The following IDE variants were observed in gnomAD, a reference collection of about 807,000 sequenced individuals.
The protein encoded by IDE is insulin degrading enzyme.
IDE carries 58 observed loss-of-function variants against 133.2 expected under a neutral mutation model. That is an observed-to-expected ratio of 0.44 (90% CI 0.35 to 0.54). IDE has a LOEUF of 0.54. Ranked by LOEUF, IDE falls within the 20% of genes least tolerant of loss-of-function variation. The pLI is 0.00. For missense variants in IDE, 981 were observed against 1,234.0 expected (o/e 0.79, Z 3.07); for synonymous variants, 396 against 421.3 (o/e 0.94, Z 0.73).
chr10:92,475,455 C>T (rs1293495942), intron 16 of IDE, among the ~76,000 whole-genome samples: 1 of 152,202 alleles, frequency 6.6e-6, no homozygotes, highest in Non-Finnish European at 1.5e-5. Flanking sequence ...CTGGGCCAAA[C>T]ATGAATTGAA....
At chr10:92,549,048 A>C (rs1342672083) in intron 1 of IDE, among the ~76,000 whole-genome samples, 1 of 152,120 alleles carries the variant, frequency 6.6e-6, no homozygotes, top group East Asian at 1.9e-4. Context: ...ACATGAGGTC[A>C]GGAGTTAGAA....
intron 1 of IDE, among the ~76,000 whole-genome samples, chr10:92,543,776 A>T (rs1276313968): frequency 2.0e-5 from 3 of 152,238 alleles, no homozygotes; most frequent in Non-Finnish European, 4.4e-5. Context: ...AGCTTAACAC[A>T]GAACACTTTA....
rs141651502 is a variant in IDE, at chr10:92,511,251, G to A, written c.785-1089C>T. 7.7e-3 allele frequency among the ~76,000 whole-genome samples: 1,165 copies of A among 151,928 alleles called. 21 individuals are homozygous for A. The highest frequency in any genetic ancestry group is 7.4e-3 in the Non-Finnish European group (504 of 67,956). The stretch of plus-strand genomic sequence containing the variant: ...CCAGTAGCTGGGATTACAGGCGTGT[G>A]CCACCACACCCTGTTAGTTTTTTGT... On this transcript the variant is annotated intron_variant, in intron 5 of 24. Coordinates refer to ENST00000265986, the MANE Select transcript of IDE (RefSeq NM_004969.4).
intron 12 of IDE, 39 bp downstream of exon 12, chr10:92,490,454 C>T: frequency 7.9e-7 from 1 of 1,259,936 alleles, no homozygotes; most frequent in Non-Finnish European, 1.2e-6. Flanking sequence ...CTTGTGATTC[C>T]TCACATGTCA....
At chr10:92,566,755 G>C (rs923271603) in intron 1 of IDE, among the ~76,000 whole-genome samples, 3 of 151,976 alleles carry the variant, frequency 2.0e-5, no homozygotes, top group Non-Finnish European at 2.9e-5. Context: ...GAGTTTAATT[G>C]GATTGTTTGT....
Position 92,483,279 on chromosome 10 carries a change from G to T in IDE, c.1715C>A (p.Ala572Asp). ...KQDDKFFLPK[A>D]CLNFEFFSPF... ...CCTGAAAAATTCAAAGTTGAGACAA[G>T]CCTTCGGCAAAAAAAACTTATCATC... The change falls in exon 14 of 25, where the codon GCT becomes GAT. Residue 572 changes from alanine to aspartate, a missense_variant. This residue lies in a region of IDE where 660 missense variants were observed against 894.7 expected (regional missense o/e 0.74). Coordinates refer to ENST00000265986, the MANE Select transcript of IDE (RefSeq NM_004969.4). 6.2e-7 allele frequency: 1 copy of T among 1,603,192 alleles called. No individual in the cohort carries two copies. Among genetic ancestry groups the T allele is most frequent in the Non-Finnish European group, 8.5e-7 (1 of 1,170,244 alleles).
intron 4 of IDE, among the ~76,000 whole-genome samples, chr10:92,518,834 CAT>C (rs978959650): frequency 6.6e-5 from 10 of 152,032 alleles, no homozygotes; most frequent in African/African-American, 2.4e-4. Context: ...AACCTAAAAA[CAT>C]ATAAAACTAT....
chr10:92,464,978 G>A (rs942183726), intron 20 of IDE, among the ~76,000 whole-genome samples: 13 of 152,152 alleles, frequency 8.5e-5, no homozygotes, highest in South Asian at 8.3e-4. Flanking sequence ...CCAATAGTTT[G>A]AGCTCTTATA....
rs1379766087 is a variant in IDE, at chr10:92,534,860, C to A, written c.284-75G>T. ...TAGTAAGTACAGGTGATTTGTAGTTCTTGTTAGCATGACAACTCCAACTAT... is the reference window on the plus strand; with the variant it reads ...TAGTAAGTACAGGTGATTTGTAGTTATTGTTAGCATGACAACTCCAACTAT... On this transcript the variant is annotated intron_variant, in intron 2 of 24. Transcript: ENST00000265986. 4 of 1,055,048 alleles carry A rather than the reference C, an allele frequency of 3.8e-6. No individual in the cohort carries two copies. In the Admixed American group the frequency reaches 7.9e-5, roughly 21 times the overall value. 65.4% of individuals were successfully genotyped at this position (1,055,048 alleles called of 1,614,324 possible). A position where few individuals can be genotyped will look rare whatever the true frequency, so the allele number is the denominator to read the frequency against.
chr10:92,512,570 A>C (rs539745255), intron 5 of IDE, among the ~76,000 whole-genome samples: 14 of 151,810 alleles, frequency 9.2e-5, no homozygotes, highest in African/African-American at 2.9e-4. Flanking sequence ...AAAAAAAAAA[A>C]AAAACACCCA....
intron 3 of IDE, among the ~76,000 whole-genome samples, chr10:92,534,039 T>C (rs1214174332): frequency 2.0e-5 from 3 of 148,006 alleles, no homozygotes; most frequent in Non-Finnish European, 3.0e-5. Context: ...AAAAAAAAAA[T>C]TGACCAAGAA....
chr10:92,468,853 C>G (rs1254517533), intron 19 of IDE, 26 bp downstream of exon 19: 1 of 1,242,794 alleles, frequency 8.0e-7, no homozygotes, highest in East Asian at 2.3e-5. Context: ...ATAGTCCATT[C>G]CCAAAGTTAC....
At chr10:92,571,107 G>C (rs1342119438) in intron 1 of IDE, among the ~76,000 whole-genome samples, 1 of 151,684 alleles carries the variant, frequency 6.6e-6, no homozygotes, top group East Asian at 2.0e-4. Flanking sequence ...AGCCTCCCGG[G>C]TTCAAGCGAT....
In IDE at chr10:92,537,521, T is replaced by C. The variant is rs140287132; in HGVS notation, c.128A>G (p.Asn43Ser). ...GFQKKTYSKM[N>S]NPAIKRIGNH... is the part of the protein sequence containing the mutation. Reference sequence around the variant, plus strand: ...TCCTATTCTCTTGATGGCTGGATTATTCATTTTGCTGTAAGTCTTTTTTTG... The same window carrying C: ...TCCTATTCTCTTGATGGCTGGATTACTCATTTTGCTGTAAGTCTTTTTTTG... Residue 43 changes from asparagine to serine, a missense_variant, in exon 2 of 25, where the codon AAT (asparagine) becomes AGT (serine). By Grantham distance (46) the Asn-to-Ser change is conservative (BLOSUM62 1). This residue lies in a region of IDE where 321 missense variants were observed against 339.3 expected (regional missense o/e 0.95). Transcript: ENST00000265986. The C allele has an allele frequency of 6.2e-7, 1 of 1,600,012 alleles. No individual in the cohort carries two copies. Among genetic ancestry groups the C allele is most frequent in the East Asian group, 2.2e-5 (1 of 44,836 alleles).
chr10:92,473,538 C>T (rs12262931), intron 17 of IDE, among the ~76,000 whole-genome samples: 1 of 151,006 alleles, frequency 6.6e-6, no homozygotes, highest in South Asian at 2.1e-4. Context: ...ACTTAAGATT[C>T]TAGGGAAAAA....
intron 1 of IDE, among the ~76,000 whole-genome samples, chr10:92,556,709 G>C (rs563419300): frequency 3.3e-5 from 5 of 152,206 alleles, no homozygotes; most frequent in African/African-American, 1.2e-4. Context: ...AGTGAGCTGA[G>C]ATCGCGCCAC....
intron 4 of IDE, among the ~76,000 whole-genome samples, chr10:92,524,966 T>C (rs1180232071): frequency 2.1e-5 from 3 of 145,668 alleles, no homozygotes; most frequent in Admixed American, 1.4e-4. Flanking sequence ...TCAATAAACA[T>C]GATACATCAC....
intron 1 of IDE, among the ~76,000 whole-genome samples, chr10:92,568,993 TAAATA>T (rs1356745044): frequency 6.6e-6 from 1 of 152,042 alleles, no homozygotes; most frequent in African/African-American, 2.4e-5. Context: ...TGTACAATAT[TAAATA>T]AGAGAGTAAA....
intron 6 of IDE, 50 bp downstream of exon 6, chr10:92,510,000 T>C (rs1374703431): frequency 2.3e-6 from 2 of 852,500 alleles, no homozygotes; most frequent in Non-Finnish European, 3.9e-6. Flanking sequence ...ACTAGGTATA[T>C]ATTATGTCCA....
Sources: gnomAD v4.1 joint callset for allele counts (sites outside exome capture counted in the v4.1 genomes callset) on GRCh38, gnomAD v4.1.1 for gene constraint, gnomAD v4.1.1 regional missense constraint, MANE v1.5 for transcripts, NCBI Gene and HGNC (gene_info 2026-07-23, HGNC 2026-07-21) for gene names.